The following NEXMIF variants were observed in gnomAD, a reference collection of about 807,000 sequenced individuals.
NEXMIF encodes XLMR protein related to neurite extension.
Under a neutral mutation model 62.1 loss-of-function variants are expected in NEXMIF, and 8 were observed. That is an observed-to-expected ratio of 0.13 (90% CI 0.08 to 0.23). NEXMIF has a LOEUF of 0.23. Ranked by LOEUF, NEXMIF falls within the 10% of genes least tolerant of loss-of-function variation. NEXMIF has a pLI of 1.00. For synonymous variants in NEXMIF, 404 were observed against 416.6 expected (o/e 0.97, Z 0.37); for missense variants, 976 against 1,113.3 (o/e 0.88, Z 1.75).
At chrX:74,802,594 G>T (rs887891440) in intron 1 of NEXMIF, among the ~76,000 whole-genome samples, 1 of 110,247 alleles carries the variant, frequency 9.1e-6, no homozygotes, top group African/African-American at 3.3e-5. Flanking sequence ...AGAAGGACAG[G>T]TACAAACAAA....
At position 74,736,144 on chromosome X, in the gene NEXMIF, A is replaced by C. The variant is rs1367976873; in HGVS notation, c.*3261T>G. ...TCAACACTAAGCAATATATCCATGT[A>C]ACACAACTGTCCTTGTACCCCTACT... On this transcript the variant is annotated 3_prime_UTR_variant, in exon 4 of 4. Coordinates refer to ENST00000055682, the MANE Select transcript of NEXMIF (RefSeq NM_001008537.3). The C allele has an allele frequency of 9.0e-6, 1 of 111,504 alleles. No homozygotes were observed. The highest frequency in any genetic ancestry group is 1.9e-5 in the Non-Finnish European group (1 of 53,091). 9.2% of individuals were successfully genotyped at this position (111,504 alleles called of 1,213,427 possible). A position where few individuals can be genotyped will look rare whatever the true frequency, so the allele number is the denominator to read the frequency against.
intron 1 of NEXMIF, among the ~76,000 whole-genome samples, chrX:74,832,223 A>G (rs2080440165): frequency 9.0e-6 from 1 of 111,712 alleles, no homozygotes; most frequent in South Asian, 3.7e-4. Flanking sequence ...CAGTGAAGCC[A>G]TCAGTTCCTG....
intron 1 of NEXMIF, among the ~76,000 whole-genome samples, chrX:74,750,984 T>C (rs1002909732): frequency 1.8e-5 from 2 of 111,434 alleles, no homozygotes; most frequent in African/African-American, 3.3e-5. Flanking sequence ...TCCTAGCACT[T>C]TGGGAGGCTG....
intron 1 of NEXMIF, among the ~76,000 whole-genome samples, chrX:74,784,274 C>T (rs1264019085): frequency 8.9e-6 from 1 of 111,771 alleles, no homozygotes; most frequent in African/African-American, 3.3e-5. Flanking sequence ...AAGAGGATCA[C>T]ATCCTTGCCA....
At chrX:74,816,570 C>T (rs2080376800) in intron 1 of NEXMIF, among the ~76,000 whole-genome samples, 1 of 111,763 alleles carries the variant, frequency 8.9e-6, no homozygotes, top group African/African-American at 3.2e-5. Context: ...AATAAGCAAA[C>T]ACTCTCTTTA....
intron 1 of NEXMIF, among the ~76,000 whole-genome samples, chrX:74,834,541 G>C (rs1416931890): frequency 1.8e-5 from 2 of 111,526 alleles, no homozygotes; most frequent in Admixed American, 9.5e-5. Context: ...CTTTATTTCT[G>C]CTTCATGCTT....
intron 1 of NEXMIF, among the ~76,000 whole-genome samples, chrX:74,831,643 G>A (rs1393970385): frequency 4.5e-5 from 5 of 110,621 alleles, no homozygotes; most frequent in Non-Finnish European, 7.6e-5. Flanking sequence ...GAATAGTGCC[G>A]CAATAAACAT....
chrX:74,899,973 G>A (rs1273577937), intron 1 of NEXMIF, among the ~76,000 whole-genome samples: 2 of 111,495 alleles, frequency 1.8e-5, no homozygotes, highest in African/African-American at 6.5e-5. Context: ...TATATAAAGA[G>A]CTCCTATAAC....
rs900521672 is a variant in NEXMIF, at chrX:74,802,109, G to A, written c.-47-56412C>T. Among the ~76,000 whole-genome samples the A allele has an allele frequency of 2.7e-5, 3 of 112,223 alleles. No homozygotes were observed. In the Admixed American group the frequency reaches 2.8e-4, roughly 11 times the overall value. On this transcript the variant is annotated intron_variant, in intron 1 of 3. Transcript: ENST00000055682. ...TCCCTGGCACCTGTACAGCACCTCT[G>A]GACCTGCCTGGGTCCTGTGGGGAGC...
intron 1 of NEXMIF, among the ~76,000 whole-genome samples, chrX:74,763,892 A>G (rs1810708004): frequency 8.9e-6 from 1 of 111,971 alleles, no homozygotes; most frequent in African/African-American, 3.2e-5. Flanking sequence ...TTTTGTAGAT[A>G]TACAATCATG....
intron 1 of NEXMIF, among the ~76,000 whole-genome samples, chrX:74,866,021 C>T (rs780579490): frequency 9.0e-6 from 1 of 111,545 alleles, no homozygotes; most frequent in South Asian, 3.8e-4. Context: ...CCTAGTGGAG[C>T]TGTGAGAAGA....
chrX:74,805,473 T>C (rs752970287), intron 1 of NEXMIF, among the ~76,000 whole-genome samples: 2 of 112,555 alleles, frequency 1.8e-5, no homozygotes, highest in African/African-American at 3.2e-5. Context: ...GTTTACTCTG[T>C]TGATAGCTTC....
chrX:74,789,921 G>C lies in NEXMIF; in HGVS notation c.-47-44224C>G, dbSNP rs373974899. Reference sequence around the variant, plus strand: ...TTGCGAAAATTTTCTCCCATTTTGTGGGTTGCCTGTTCACTCTGATGGTAG... The same window carrying C: ...TTGCGAAAATTTTCTCCCATTTTGTCGGTTGCCTGTTCACTCTGATGGTAG... On this transcript the variant is annotated intron_variant, in intron 1 of 3. Transcript: ENST00000055682. 3.1e-4 allele frequency among the ~76,000 whole-genome samples: 33 copies of C among 105,362 alleles called. No individual in the cohort carries two copies. The East Asian group carries it at 4.5e-3, about 14-fold the overall frequency. 91.5% of individuals were successfully genotyped at this position (105,362 alleles called of 115,157 possible). A position where few individuals can be genotyped will look rare whatever the true frequency, so the allele number is the denominator to read the frequency against.
chrX:74,807,709 C>A (rs957335871), intron 1 of NEXMIF, among the ~76,000 whole-genome samples: 2 of 111,862 alleles, frequency 1.8e-5, no homozygotes, highest in Non-Finnish European at 3.8e-5. Flanking sequence ...GTGATTCTTC[C>A]ACCTTGGCTT....
chrX:74,747,919 A>G (rs1005539039), intron 1 of NEXMIF, among the ~76,000 whole-genome samples: 28 of 112,294 alleles, frequency 2.5e-4, no homozygotes, highest in African/African-American at 8.7e-4. Flanking sequence ...CTAGCCAATT[A>G]TCCAGTCTTT....
intron 1 of NEXMIF, among the ~76,000 whole-genome samples, chrX:74,880,403 G>T (rs2080658211): frequency 9.0e-6 from 1 of 111,684 alleles, no homozygotes; most frequent in Admixed American, 9.5e-5. Context: ...AAGAGGGAAG[G>T]AGGAAACTGG....
chrX:74,886,193 T>G (rs779240023), intron 1 of NEXMIF, among the ~76,000 whole-genome samples: 15 of 111,823 alleles, frequency 1.3e-4, no homozygotes, highest in African/African-American at 4.9e-4. Context: ...GCCAATATCA[T>G]ACTGAATGGA....
chrX:74,906,188 C>T (rs900171953), intron 1 of NEXMIF, among the ~76,000 whole-genome samples: 2 of 109,150 alleles, frequency 1.8e-5, no homozygotes, highest in African/African-American at 6.7e-5. Flanking sequence ...CAGGAGGATC[C>T]CTTGAGCCCA....
chrX:74,763,961 C>T (rs2147451370), intron 1 of NEXMIF, among the ~76,000 whole-genome samples: 1 of 111,316 alleles, frequency 9.0e-6, no homozygotes, highest in African/African-American at 3.3e-5. Context: ...CCCTTTATTT[C>T]CTTCTCCTGC....
Sources: allele counts gnomAD v4.1 joint callset (sites outside exome capture counted in the v4.1 genomes callset), GRCh38; gene constraint gnomAD v4.1.1; transcripts MANE v1.5; gene names NCBI Gene and HGNC (gene_info 2026-07-23, HGNC 2026-07-21).